TRPM3: variants seen among roughly 807,000 people sequenced by gnomAD.
The protein encoded by TRPM3 is transient receptor potential cation channel subfamily M member 3.
A neutral mutation model predicts 181.2 loss-of-function variants in TRPM3; 77 were observed. The ratio of observed to expected loss-of-function variants is 0.42; its 90% confidence interval spans 0.35 to 0.51. The LOEUF (loss-of-function observed/expected upper bound fraction) is 0.51. Among genes scored for constraint, TRPM3 ranks in the 20% least tolerant of loss-of-function variants. The pLI, the probability that TRPM3 is intolerant of heterozygous loss-of-function variation, is 0.01. For synonymous variants in TRPM3, 745 were observed against 796.4 expected, an observed-to-expected ratio of 0.94 and a Z score of 1.09; for missense variants, 1,759 against 2,196.7, an observed-to-expected ratio of 0.80 and a Z score of 3.98.
chr9:71,237,806 TGGTC>T (rs1462186424), intron 1 of TRPM3, among the ~76,000 whole-genome samples: 2 of 152,220 alleles, frequency 1.3e-5, no homozygotes, highest in Admixed American at 6.5e-5. Flanking sequence ...CACTGGCATT[TGGTC>T]TAGTGAGGGC....
chr9:71,212,043 C>CA (rs2079538046), intron 1 of TRPM3, among the ~76,000 whole-genome samples: 1 of 152,164 alleles, frequency 6.6e-6, no homozygotes, highest in African/African-American at 2.4e-5. Context: ...GCTGGGAAGA[C>CA]AGGGAGGTGG....
At chr9:71,103,674 T>C (rs1374109743) in intron 1 of TRPM3, among the ~76,000 whole-genome samples, 1 of 152,144 alleles carries the variant, frequency 6.6e-6, no homozygotes, top group Non-Finnish European at 1.5e-5. Context: ...ATAAAGCATG[T>C]TCCCAAAGAC....
chr9:70,817,454 A>T (rs2131527955), intron 6 of TRPM3, among the ~76,000 whole-genome samples: 1 of 152,306 alleles, frequency 6.6e-6, no homozygotes, highest in East Asian at 1.9e-4. Flanking sequence ...TCAGAGTAAC[A>T]TATGAATAGG....
At chr9:70,844,040 T>C (rs746148446) in intron 4 of TRPM3, among the ~76,000 whole-genome samples, 5 of 152,312 alleles carry the variant, frequency 3.3e-5, no homozygotes, top group Middle Eastern at 6.8e-3. Flanking sequence ...AGTATGTCAC[T>C]TAACATGTTC....
rs758622802 is a variant in TRPM3, at chr9:71,349,968, C to CATATAT, written c.183+96679_183+96684dup. The stretch of plus-strand genomic sequence containing the variant: ...CATAATAATGATCTCATTGTAAGTG[C>CATATAT]ATATATATATATATATATATATATA... On this transcript the variant is annotated intron_variant, in intron 1 of 24. Coordinates refer to the TRPM3 transcript ENST00000357533. 5.9e-3 allele frequency among the ~76,000 whole-genome samples: 397 copies of CATATAT among 67,738 alleles called. 1 individual carries two copies. Among genetic ancestry groups the CATATAT allele is most frequent in the South Asian group, 0.015 (29 of 1,942 alleles). The allele number at this position is 67,738 out of a possible 152,430, so 44.4% of individuals were successfully genotyped here. A position where few individuals can be genotyped will look rare whatever the true frequency, so the allele number is the denominator to read the frequency against.
At chr9:71,132,720 C>A (rs1276516957) in intron 1 of TRPM3, among the ~76,000 whole-genome samples, 2 of 151,980 alleles carry the variant, frequency 1.3e-5, no homozygotes, top group Non-Finnish European at 2.9e-5. Flanking sequence ...CTTCTATTAT[C>A]CATCAATAAC....
At chr9:71,089,544 T>C (rs999790613) in intron 1 of TRPM3, among the ~76,000 whole-genome samples, 1 of 151,532 alleles carries the variant, frequency 6.6e-6, no homozygotes, top group Non-Finnish European at 1.5e-5. Context: ...TTTTGTCAGA[T>C]GTATAAAATA....
intron 1 of TRPM3, among the ~76,000 whole-genome samples, chr9:71,278,599 T>G (rs2084409489): frequency 6.6e-6 from 1 of 152,188 alleles, no homozygotes. Context: ...AATATAAGAT[T>G]AATACAAACT....
chr9:70,906,660 T>C (rs2096468169), intron 1 of TRPM3, among the ~76,000 whole-genome samples: 1 of 152,220 alleles, frequency 6.6e-6, no homozygotes, highest in South Asian at 2.1e-4. Context: ...CCCAGCACTT[T>C]GAGAGGCCAA....
intron 1 of TRPM3, among the ~76,000 whole-genome samples, chr9:71,024,872 T>C (rs370004808): frequency 9.9e-4 from 150 of 152,278 alleles, no homozygotes; most frequent in African/African-American, 3.5e-3. Context: ...CTGGAGGACC[T>C]GATCCTCTGT....
At chr9:71,058,262 A>G (rs759371611) in intron 1 of TRPM3, among the ~76,000 whole-genome samples, 3 of 152,050 alleles carry the variant, frequency 2.0e-5, no homozygotes, top group Admixed American at 1.3e-4. Context: ...ATAAGCCTGC[A>G]TGGCTTATAC....
intron 1 of TRPM3, among the ~76,000 whole-genome samples, chr9:71,280,816 T>G (rs1005592705): frequency 6.6e-6 from 1 of 152,208 alleles, no homozygotes; most frequent in Non-Finnish European, 1.5e-5. Flanking sequence ...GATTCCTTTC[T>G]TTCTCCAGAT....
intron 1 of TRPM3, among the ~76,000 whole-genome samples, chr9:71,328,359 G>T (rs1480885595): frequency 6.6e-6 from 1 of 152,112 alleles, no homozygotes; most frequent in Non-Finnish European, 1.5e-5. Flanking sequence ...GTAGAGACGG[G>T]GTTTCACCGT....
intron 1 of TRPM3, among the ~76,000 whole-genome samples, chr9:70,900,868 G>T (rs2133013592): frequency 6.6e-6 from 1 of 152,312 alleles, no homozygotes; most frequent in South Asian, 2.1e-4. Context: ...CAATACTATT[G>T]TAAGGGCAAT....
Position 71,121,596 on chromosome 9 carries a change from G to A in TRPM3, c.-242C>T, listed in dbSNP as rs1336223697. On this transcript the variant is annotated 5_prime_UTR_variant, in exon 1 of 26. Coordinates refer to ENST00000677713, the MANE Select transcript of TRPM3 (RefSeq NM_001366145.2). ...AGCCTGCACAAAACAGCCTGTGGTC[G>A]GAGTCAAAGCAGCCTGCTCCAGAAT... 13 of 1,284,262 alleles carry A rather than the reference G, an allele frequency of 1.0e-5. No homozygotes were observed. In the African/African-American group the frequency reaches 1.2e-4, roughly 12 times the overall value. 79.6% of individuals were successfully genotyped at this position (1,284,262 alleles called of 1,614,324 possible). A position where few individuals can be genotyped will look rare whatever the true frequency, so the allele number is the denominator to read the frequency against.
At chr9:70,549,484 G>A in intron 25 of TRPM3, 58 bp downstream of exon 25, 1 of 1,546,682 alleles carries the variant, frequency 6.5e-7, no homozygotes, top group Non-Finnish European at 8.7e-7. Context: ...TAAATTCGAT[G>A]GATAAAGCAT....
At chr9:70,568,980 T>C (rs2051413108) in intron 22 of TRPM3, among the ~76,000 whole-genome samples, 1 of 152,224 alleles carries the variant, frequency 6.6e-6, no homozygotes, top group South Asian at 2.1e-4. Flanking sequence ...ACACTTAATG[T>C]AAATGGAAAA....
At chr9:71,199,430 A>C (rs1210679983) in intron 1 of TRPM3, among the ~76,000 whole-genome samples, 2 of 152,194 alleles carry the variant, frequency 1.3e-5, no homozygotes, top group African/African-American at 4.8e-5. Flanking sequence ...ATGGATTGGA[A>C]TAGTTTCAGA....
intron 8 of TRPM3, among the ~76,000 whole-genome samples, chr9:70,687,237 G>A (rs1353375685): frequency 1.3e-5 from 2 of 152,056 alleles, no homozygotes; most frequent in South Asian, 2.1e-4. Flanking sequence ...TTGTGATTTT[G>A]TCTTTTTTGT....
Sources: allele counts gnomAD v4.1 joint callset (sites outside exome capture counted in the v4.1 genomes callset), GRCh38; gene constraint gnomAD v4.1.1; transcripts MANE v1.5; gene names NCBI Gene and HGNC (gene_info 2026-07-23, HGNC 2026-07-21).